VPS54: variants seen among roughly 807,000 people sequenced by gnomAD.
VPS54 encodes the protein vacuolar protein sorting-associated protein 54.
A neutral mutation model predicts 121.5 loss-of-function variants in VPS54; 45 were observed. The observed-to-expected ratio is 0.37, with a 90% CI of 0.29 to 0.47. The LOEUF (loss-of-function observed/expected upper bound fraction) is 0.47. Ranked by LOEUF, VPS54 falls within the 20% of genes least tolerant of loss-of-function variation. VPS54 has a pLI of 0.99. For missense variants in VPS54, 1,090 were observed against 1,131.4 expected (o/e 0.96, Z 0.52); for synonymous variants, 371 against 385.8 (o/e 0.96, Z 0.45).
rs780516074 is a variant in VPS54 at position 63,913,254 on chromosome 2, A to G, written c.2391T>C (p.Val797=). ...LVLGAGALQV[V]GLKTITTKNL... is the part of the protein sequence containing the mutation. The stretch of plus-strand genomic sequence containing the variant: ...TTTTTGTAGTTATCGTTTTTAGTCC[A>G]ACAACTTGCAGTGCACCAGCTCCAA... The change falls in exon 18 of 23, where the codon GTT becomes GTC. Residue 797 remains valine (V), a synonymous_variant. Coordinates refer to ENST00000272322, the MANE Select transcript of VPS54 (RefSeq NM_016516.3). 2 of 1,611,136 alleles carry G rather than the reference A, an allele frequency of 1.2e-6. No homozygotes were observed. Among genetic ancestry groups the G allele is most frequent in the Non-Finnish European group, 1.7e-6 (2 of 1,178,842 alleles).
At chr2:63,926,046 G>A (rs1047503598) in intron 12 of VPS54, among the ~76,000 whole-genome samples, 18 of 152,230 alleles carry the variant, frequency 1.2e-4, no homozygotes, top group Non-Finnish European at 2.6e-4. Flanking sequence ...GGTGGGCTTA[G>A]TTCTACCCAA....
chr2:63,959,488 T>C (rs751486380), intron 7 of VPS54, among the ~76,000 whole-genome samples: 1 of 152,198 alleles, frequency 6.6e-6, no homozygotes, highest in Non-Finnish European at 1.5e-5. Context: ...AGAAATGTTT[T>C]ACATGAAGAA....
At chr2:64,009,684 G>A (rs1478852167) in intron 1 of VPS54, among the ~76,000 whole-genome samples, 1 of 152,044 alleles carries the variant, frequency 6.6e-6, no homozygotes, top group African/African-American at 2.4e-5. Flanking sequence ...TGTAACGTGG[G>A]ATAAATATAC....
At chr2:63,991,396 G>C (rs1677309577) in intron 1 of VPS54, among the ~76,000 whole-genome samples, 1 of 152,128 alleles carries the variant, frequency 6.6e-6, no homozygotes, top group Non-Finnish European at 1.5e-5. Flanking sequence ...CTGATCACGA[G>C]GTGTTCCCTG....
intron 15 of VPS54, among the ~76,000 whole-genome samples, chr2:63,919,409 C>T (rs1673533543): frequency 6.6e-6 from 1 of 152,082 alleles, no homozygotes; most frequent in Non-Finnish European, 1.5e-5. Flanking sequence ...TTATCTCTGT[C>T]TCAATTCTGT....
At chr2:63,964,122 G>A (rs551180708) in intron 6 of VPS54, among the ~76,000 whole-genome samples, 1 of 152,242 alleles carries the variant, frequency 6.6e-6, no homozygotes, top group South Asian at 2.1e-4. Flanking sequence ...TAAACCAGCT[G>A]TTGTCCATCA....
chr2:63,974,494 A>T (rs1399616424), intron 3 of VPS54, among the ~76,000 whole-genome samples: 1 of 152,224 alleles, frequency 6.6e-6, no homozygotes, highest in Non-Finnish European at 1.5e-5. Flanking sequence ...CTAGGATTTT[A>T]ATCAGGATTA....
At chr2:63,952,411 T>G (rs1022766885) in intron 7 of VPS54, among the ~76,000 whole-genome samples, 14 of 152,272 alleles carry the variant, frequency 9.2e-5, no homozygotes, top group African/African-American at 3.1e-4. Flanking sequence ...CATTTAAATT[T>G]TATATTACAT....
intron 12 of VPS54, among the ~76,000 whole-genome samples, chr2:63,928,285 G>C (rs1250572919): frequency 1.3e-5 from 2 of 152,218 alleles, no homozygotes; most frequent in Non-Finnish European, 2.9e-5. Context: ...TACCCACAAA[G>C]GGAAGCCCAT....
At chr2:63,970,338 G>C (rs543468287) in intron 4 of VPS54, among the ~76,000 whole-genome samples, 1 of 99,302 alleles carries the variant, frequency 1.0e-5, no homozygotes, top group East Asian at 2.3e-4. Context: ...ACCAGGTTGA[G>C]GGAAGGGCAG....
chr2:63,998,007 T>G (rs546041972), intron 1 of VPS54, among the ~76,000 whole-genome samples: 1 of 152,304 alleles, frequency 6.6e-6, no homozygotes, highest in South Asian at 2.1e-4. Context: ...ATTCCTAATA[T>G]TGATTTCTGG....
chr2:63,964,763 T>C (rs193166969), intron 6 of VPS54, among the ~76,000 whole-genome samples: 28 of 152,316 alleles, frequency 1.8e-4, no homozygotes, highest in African/African-American at 6.3e-4. Flanking sequence ...CTGAACCTGA[T>C]ATTATTGATG....
At chr2:64,015,551 T>C (rs1013199970) in intron 1 of VPS54, among the ~76,000 whole-genome samples, 1 of 152,180 alleles carries the variant, frequency 6.6e-6, no homozygotes, top group Non-Finnish European at 1.5e-5. Flanking sequence ...CAGAAGTATG[T>C]CCTGTGCATT....
chr2:63,894,829 CCATAT>C (rs1672378586), intron 22 of VPS54, among the ~76,000 whole-genome samples: 3 of 151,920 alleles, frequency 2.0e-5, no homozygotes, highest in East Asian at 1.9e-4. Context: ...ATGCAATATA[CCATAT>C]AAGTAAATTT....
At chr2:63,980,474 AATTT>A (rs1389878783) in intron 3 of VPS54, among the ~76,000 whole-genome samples, 1 of 152,064 alleles carries the variant, frequency 6.6e-6, no homozygotes, top group Admixed American at 6.6e-5. Flanking sequence ...ATCATCTTGA[AATTT>A]ATTTTATGTC....
At chr2:63,942,249 TTC>T (rs1259097589) in intron 11 of VPS54, among the ~76,000 whole-genome samples, 2 of 152,016 alleles carry the variant, frequency 1.3e-5, no homozygotes, top group African/African-American at 4.8e-5. Flanking sequence ...AAGAGCATAT[TTC>T]TTTTTAAGTT....
chr2:63,912,234 C>G (rs1673179867), intron 20 of VPS54, 111 bp downstream of exon 20: 1 of 1,055,198 alleles, frequency 9.5e-7, no homozygotes. Context: ...TGGTAAATAT[C>G]CTATGAAAGT....
chr2:63,921,183 T>C (rs1673627021), intron 13 of VPS54, 23 bp downstream of exon 13: 1 of 1,597,690 alleles, frequency 6.3e-7, no homozygotes, highest in Non-Finnish European at 8.5e-7. Flanking sequence ...ATAAAATATA[T>C]AAAGCTTTAT....
At chr2:63,973,127 T>C (rs913572062) in intron 3 of VPS54, among the ~76,000 whole-genome samples, 2 of 152,194 alleles carry the variant, frequency 1.3e-5, no homozygotes, top group Non-Finnish European at 2.9e-5. Context: ...AAAGTGGCCA[T>C]ACCACTTTTC....
Sources: allele counts gnomAD v4.1 joint callset (sites outside exome capture counted in the v4.1 genomes callset), GRCh38; gene constraint gnomAD v4.1.1; transcripts MANE v1.5; gene names NCBI Gene and HGNC (gene_info 2026-07-23, HGNC 2026-07-21).